The following ALK variants were observed in gnomAD, a reference collection of about 807,000 sequenced individuals.
ALK encodes ALK receptor tyrosine kinase, also known as ALK tyrosine kinase receptor.
Under a neutral mutation model 163.1 loss-of-function variants are expected in ALK, and 74 were observed. The observed-to-expected ratio is 0.45, with a 90% CI of 0.38 to 0.55. The LOEUF is 0.55. Ranked by LOEUF, ALK falls within the 20% of genes least tolerant of loss-of-function variation. The probability of loss-of-function intolerance (pLI) is 0.00; values close to 1 mark genes in which losing one functional copy is unlikely to be tolerated. For missense variants in ALK, 2,063 were observed against 2,105.3 expected (o/e 0.98, Z 0.39); for synonymous variants, 960 against 843.2 (o/e 1.14, Z -2.40).
At chr2:29,703,686 A>T (rs2541204) in intron 2 of ALK, among the ~76,000 whole-genome samples, 9 of 152,134 alleles carry the variant, frequency 5.9e-5, no homozygotes, top group Admixed American at 5.9e-4. Flanking sequence ...GTGATGGCAC[A>T]TGACCATGAC....
chr2:29,836,234 C>T (rs1405552677), intron 1 of ALK, among the ~76,000 whole-genome samples: 2 of 152,134 alleles, frequency 1.3e-5, no homozygotes, highest in Non-Finnish European at 2.9e-5. Flanking sequence ...CAAATTTTAT[C>T]AAAGTTATCT....
intron 1 of ALK, among the ~76,000 whole-genome samples, chr2:29,880,895 T>C (rs1317250114): frequency 1.3e-5 from 2 of 152,210 alleles, no homozygotes; most frequent in African/African-American, 4.8e-5. Context: ...CTTTAAAATT[T>C]TGAAGCTCTC....
At chr2:29,393,617 G>A (rs1387616476) in intron 4 of ALK, among the ~76,000 whole-genome samples, 3 of 152,070 alleles carry the variant, frequency 2.0e-5, no homozygotes, top group Non-Finnish European at 4.4e-5. Context: ...AAAGACATTG[G>A]GTCTTCATTT....
At chr2:29,284,068 G>A (rs904880401) in intron 9 of ALK, among the ~76,000 whole-genome samples, 1 of 152,186 alleles carries the variant, frequency 6.6e-6, no homozygotes, top group Non-Finnish European at 1.5e-5. Flanking sequence ...GAAAAACATT[G>A]CATCTGGACA....
At chr2:29,525,712 C>A (rs1030578412) in intron 4 of ALK, among the ~76,000 whole-genome samples, 1 of 143,108 alleles carries the variant, frequency 7.0e-6, no homozygotes, top group Non-Finnish European at 1.5e-5. Context: ...ATCACTTGAA[C>A]CCAGGAGACG....
chr2:29,209,999 C>T (rs2148155692), intron 24 of ALK, 121 bp from the exon 25 acceptor site: 5 of 785,218 alleles, frequency 6.4e-6, no homozygotes, highest in Non-Finnish European at 1.1e-5. Context: ...CCCTATATTT[C>T]CTTTAGTATA....
At chr2:29,259,880 CT>C (rs1665040254) in intron 11 of ALK, among the ~76,000 whole-genome samples, 1 of 151,598 alleles carries the variant, frequency 6.6e-6, no homozygotes, top group Non-Finnish European at 1.5e-5. Flanking sequence ...TATGTTGGAT[CT>C]TCATGTATAT....
intron 11 of ALK, among the ~76,000 whole-genome samples, chr2:29,257,276 C>T (rs1441374090): frequency 6.6e-6 from 1 of 151,946 alleles, no homozygotes; most frequent in Non-Finnish European, 1.5e-5. Flanking sequence ...CTCATTCTTA[C>T]ACATACCCCA....
At chr2:29,604,286 A>C (rs1038134991) in intron 3 of ALK, among the ~76,000 whole-genome samples, 1 of 151,284 alleles carries the variant, frequency 6.6e-6, no homozygotes, top group African/African-American at 2.4e-5. Context: ...TTGTTGGATG[A>C]CAGGCATGTT....
chr2:29,903,772 A>G (rs1361849116), intron 1 of ALK, among the ~76,000 whole-genome samples: 1 of 152,208 alleles, frequency 6.6e-6, no homozygotes, highest in East Asian at 1.9e-4. Context: ...AGCAGCTCTT[A>G]TCATAATTTA....
chr2:29,851,946 G>GT (rs1202280121), intron 1 of ALK, among the ~76,000 whole-genome samples: 16 of 152,208 alleles, frequency 1.1e-4, no homozygotes, highest in Non-Finnish European at 1.9e-4. Flanking sequence ...GTCAGCAGCA[G>GT]TAAGTAGTAG....
intron 11 of ALK, among the ~76,000 whole-genome samples, chr2:29,255,869 C>T (rs149607202): frequency 1.3e-5 from 2 of 152,236 alleles, no homozygotes; most frequent in African/African-American, 4.8e-5. Flanking sequence ...ACACTATTGA[C>T]CTCTCTTAGC....
intron 1 of ALK, among the ~76,000 whole-genome samples, chr2:29,797,887 A>T (rs890214878): frequency 1.3e-5 from 2 of 152,152 alleles, no homozygotes; most frequent in African/African-American, 4.8e-5. Context: ...TTGGGTCAAG[A>T]AAGCTTTAGC....
intron 1 of ALK, among the ~76,000 whole-genome samples, chr2:29,836,081 A>G (rs557223152): frequency 9.2e-5 from 14 of 151,958 alleles, no homozygotes; most frequent in African/African-American, 3.4e-4. Context: ...TCATTCCATA[A>G]CTCAGCTTCT....
At chr2:29,380,105 C>CT (rs200374527) in intron 5 of ALK, among the ~76,000 whole-genome samples, 2,292 of 137,820 alleles carry the variant, frequency 0.017, 15 homozygotes, top group African/African-American at 0.031. Context: ...GTGCTGCACA[C>CT]TTTTTTTTTT....
In ALK at chr2:29,300,909, C is replaced by G. The variant is rs142191924; in HGVS notation, c.1648-3852G>C. Among the ~76,000 whole-genome samples, 194 of 152,198 alleles carry G rather than the reference C, an allele frequency of 1.3e-3. 2 individuals are homozygous for G. The East Asian group carries it at 0.036, about 28-fold the overall frequency. On this transcript the variant is annotated intron_variant, in intron 8 of 28. Transcript: ENST00000389048. The stretch of plus-strand genomic sequence containing the variant: ...TCAGGCTTTCCATCTGCAATAGGAC[C>G]AAGTTTGGAGGCGGCAGGAGAGGGC...
chr2:29,457,102 T>C (rs1670975264), intron 4 of ALK, among the ~76,000 whole-genome samples: 1 of 152,178 alleles, frequency 6.6e-6, no homozygotes, highest in African/African-American at 2.4e-5. Flanking sequence ...GGCACCGTGG[T>C]AACTTTCTCT....
At position 29,205,940 on chromosome 2, in the gene ALK, C is replaced by A. The variant is rs915374647; in HGVS notation, c.3938+1231G>T. 1.3e-5 allele frequency among the ~76,000 whole-genome samples: 2 copies of A among 151,902 alleles called. 1 individual carries two copies. The highest frequency in any genetic ancestry group is 1.3e-4 in the Admixed American group (2 of 15,280). ...CTGTAATTTTCTCTTCATCGGTCCT[C>A]CAAAGAGAAATTCTCTGATGATCTG... On this transcript the variant is annotated intron_variant, in intron 26 of 28. Transcript: ENST00000389048.
intron 1 of ALK, among the ~76,000 whole-genome samples, chr2:29,854,605 C>T (rs1666090095): frequency 6.6e-6 from 1 of 152,178 alleles, no homozygotes; most frequent in African/African-American, 2.4e-5. Context: ...TTGGGTCTTT[C>T]TTTGCAGCAA....
Sources: gnomAD v4.1 joint callset for allele counts (sites outside exome capture counted in the v4.1 genomes callset) on GRCh38, gnomAD v4.1.1 for gene constraint, MANE v1.5 for transcripts, NCBI Gene and HGNC (gene_info 2026-07-23, HGNC 2026-07-21) for gene names.